The following CNTLN variants were observed in gnomAD, a reference collection of about 807,000 sequenced individuals.
CNTLN encodes the protein centlein, centrosomal protein.
In CNTLN, 212 loss-of-function variants were observed where a neutral mutation model predicts 180.0. The observed-to-expected ratio is 1.18, with a 90% confidence interval of 1.05 to 1.32. CNTLN has a LOEUF of 1.32. Ranked by LOEUF, CNTLN falls within the 40% of genes most tolerant of loss-of-function variation. The pLI is 0.00. For missense variants in CNTLN, 2,095 were observed against 1,610.9 expected, an observed-to-expected ratio of 1.30 and a Z score of -5.14; for synonymous variants, 722 against 563.1, an observed-to-expected ratio of 1.28 and a Z score of -3.99.
At chr9:17,376,650 A>C (rs1353335718) in intron 13 of CNTLN, among the ~76,000 whole-genome samples, 2 of 151,864 alleles carry the variant, frequency 1.3e-5, no homozygotes, top group African/African-American at 4.8e-5. Context: ...ACGGGGTTTC[A>C]CCATGTTAGC....
chr9:17,165,135 G>A (rs1361841347), intron 2 of CNTLN, among the ~76,000 whole-genome samples: 1 of 152,076 alleles, frequency 6.6e-6, no homozygotes, highest in East Asian at 1.9e-4. Context: ...ATTGCGCCCG[G>A]CCTCTTAGAA....
intron 2 of CNTLN, among the ~76,000 whole-genome samples, chr9:17,209,890 C>T (rs1477947839): frequency 6.6e-6 from 1 of 152,052 alleles, no homozygotes; most frequent in Non-Finnish European, 1.5e-5. Context: ...TATGATTTTA[C>T]AGAAGATAAT....
intron 12 of CNTLN, among the ~76,000 whole-genome samples, chr9:17,360,929 G>T (rs1823330841): frequency 6.6e-6 from 1 of 152,106 alleles, no homozygotes; most frequent in Non-Finnish European, 1.5e-5. Flanking sequence ...AAAACATTCA[G>T]TTAGGTCAAG....
rs2383010 is a variant in CNTLN, at chr9:17,262,051, C to T, written c.850-11682C>T. Among the ~76,000 whole-genome samples the T allele has an allele frequency of 6.6e-5, 10 of 151,062 alleles. 1 individual carries two copies. Among genetic ancestry groups the T allele is most frequent in the Admixed American group, 2.0e-4 (3 of 15,234 alleles). On this transcript the variant is annotated intron_variant, in intron 5 of 25. Transcript: ENST00000380647. Reference sequence around the variant, plus strand: ...TACCATCTCACGCCAGTTAGAACAGCGATTATTAAAAAGTTAGGAAACAAC... The same window carrying T: ...TACCATCTCACGCCAGTTAGAACAGTGATTATTAAAAAGTTAGGAAACAAC...
At chr9:17,256,461 G>A (rs148757216) in intron 5 of CNTLN, among the ~76,000 whole-genome samples, 1,606 of 151,904 alleles carry the variant, frequency 0.011, 31 homozygotes, top group African/African-American at 0.036. Flanking sequence ...ATTATGATTG[G>A]TGTGAGATGG....
downstream of CNTLN, among the ~76,000 whole-genome samples, chr9:17,505,231 T>C (rs1467651111): frequency 6.6e-6 from 1 of 152,138 alleles, no homozygotes; most frequent in Non-Finnish European, 1.5e-5. Context: ...TATGTAATGA[T>C]GAAGACCAAA....
chr9:17,313,457 G>C (rs890797272), intron 8 of CNTLN, among the ~76,000 whole-genome samples: 1 of 151,184 alleles, frequency 6.6e-6, no homozygotes, highest in Non-Finnish European at 1.5e-5. Flanking sequence ...CTATCCTCTA[G>C]ACCCACAGTT....
intron 8 of CNTLN, among the ~76,000 whole-genome samples, 195 bp from the exon 9 acceptor site, chr9:17,330,437 C>G (rs77071787): frequency 5.9e-5 from 9 of 151,794 alleles, no homozygotes; most frequent in African/African-American, 1.9e-4. Flanking sequence ...CATATAGACT[C>G]TTGGTTATTT....
At chr9:17,264,953 G>T (rs1827297257) in intron 5 of CNTLN, among the ~76,000 whole-genome samples, 1 of 145,244 alleles carries the variant, frequency 6.9e-6, no homozygotes, top group Admixed American at 6.8e-5. Context: ...GAGACAATGG[G>T]GTTTTCTAGA....
At chr9:17,208,267 C>T (rs116146554) in intron 2 of CNTLN, among the ~76,000 whole-genome samples, 2,870 of 152,170 alleles carry the variant, frequency 0.019, 57 homozygotes, top group African/African-American at 0.05. Context: ...TAGGATATAT[C>T]TCATTGACTG....
intron 18 of CNTLN, among the ~76,000 whole-genome samples, chr9:17,451,817 T>A (rs1367016280): frequency 6.6e-6 from 1 of 152,202 alleles, no homozygotes; most frequent in East Asian, 1.9e-4. Context: ...TATTTCCAAA[T>A]TTTTTAAATG....
At chr9:17,318,543 A>G (rs1458683738) in intron 8 of CNTLN, among the ~76,000 whole-genome samples, 1 of 152,216 alleles carries the variant, frequency 6.6e-6, no homozygotes, top group Non-Finnish European at 1.5e-5. Flanking sequence ...TATATGTGAA[A>G]TATGAGAAGA....
At chr9:17,155,430 T>C (rs1819207911) in intron 2 of CNTLN, among the ~76,000 whole-genome samples, 1 of 152,224 alleles carries the variant, frequency 6.6e-6, no homozygotes, top group African/African-American at 2.4e-5. Context: ...AGCCCCTGAC[T>C]GGGGCTGCTG....
At chr9:17,162,281 A>AT (rs1255156907) in intron 2 of CNTLN, among the ~76,000 whole-genome samples, 1 of 151,818 alleles carries the variant, frequency 6.6e-6, no homozygotes, top group Admixed American at 6.6e-5. Flanking sequence ...TGCCCAGCTA[A>AT]TTTTTTGTAT....
At chr9:17,521,265 A>AGAGAGAGAGAGAGAGAGAGAGAG in the CNTLN span, among the ~76,000 whole-genome samples, 9 of 118,608 alleles carry the variant, frequency 7.6e-5, no homozygotes, top group African/African-American at 2.8e-4. Flanking sequence ...AAGGGAGAAA[A>AGAGAGAGAGAGAGAGAGAGAGAG]AGAGAGAGAG....
intron 7 of CNTLN, among the ~76,000 whole-genome samples, chr9:17,308,651 C>T (rs1554684596): frequency 2.0e-5 from 3 of 151,574 alleles, no homozygotes; most frequent in Non-Finnish European, 4.4e-5. Context: ...TTTAGAATGA[C>T]TTTTTGTTTT....
At chr9:17,314,617 A>C (rs906864144) in intron 8 of CNTLN, among the ~76,000 whole-genome samples, 3 of 152,198 alleles carry the variant, frequency 2.0e-5, no homozygotes, top group African/African-American at 7.2e-5. Flanking sequence ...TGAACTTCCA[A>C]AGTTTCTGTT....
In CNTLN at chr9:17,325,075, A is replaced by C. The variant is rs185502310; in HGVS notation, c.1342-5557A>C. ...TATTACTCAATATAGTGGTCTTTCT[A>C]AAAATGAAGTATAAATTTAAACTAG... On this transcript the variant is annotated intron_variant, in intron 8 of 25. Transcript: ENST00000380647. 1.4e-3 allele frequency among the ~76,000 whole-genome samples: 212 copies of C among 151,566 alleles called. 1 individual carries two copies. Among genetic ancestry groups the C allele is most frequent in the Middle Eastern group, 0.014 (4 of 288 alleles).
intron 7 of CNTLN, chr9:17,298,586 A>T: frequency 8.9e-7 from 1 of 1,119,492 alleles, no homozygotes; most frequent in Non-Finnish European, 1.1e-6. Flanking sequence ...CTTACTCTAT[A>T]GGGTATTATT....
Sources: gnomAD v4.1 joint callset for allele counts (sites outside exome capture counted in the v4.1 genomes callset) on GRCh38, gnomAD v4.1.1 for gene constraint, MANE v1.5 for transcripts, NCBI Gene and HGNC (gene_info 2026-07-23, HGNC 2026-07-21) for gene names.